Variants in PIK3AP1 observed in about 807,000 individuals in gnomAD.
The protein encoded by PIK3AP1 is phosphoinositide 3-kinase adapter protein 1.
PIK3AP1 carries 21 observed loss-of-function variants against 88.1 expected under a neutral mutation model. The observed-to-expected ratio is 0.24, with a 90% CI of 0.17 to 0.34. The LOEUF is 0.34. Ranked by LOEUF, PIK3AP1 falls within the 10% of genes least tolerant of loss-of-function variation. PIK3AP1 has a pLI of 1.00. For missense variants in PIK3AP1, 828 were observed against 1,035.7 expected (o/e 0.80, Z 2.75); for synonymous variants, 398 against 400.0 (o/e 1.00, Z 0.06).
chr10:96,646,603 A>G (rs943632361), intron 7 of PIK3AP1, among the ~76,000 whole-genome samples: 1 of 151,984 alleles, frequency 6.6e-6, no homozygotes, highest in Non-Finnish European at 1.5e-5. Flanking sequence ...GTCAGAGGTC[A>G]CTCCGCAGCT....
chr10:96,648,957 A>G (rs912483), intron 6 of PIK3AP1, 102 bp from the exon 7 acceptor site: 1,002,106 of 1,009,898 alleles, frequency 0.99, 497,309 homozygotes, highest in East Asian at 1. Context: ...GGCAACAGAA[A>G]GCACTCAGCC....
intron 13 of PIK3AP1, among the ~76,000 whole-genome samples, chr10:96,615,127 T>A (rs1849192001): frequency 6.6e-6 from 1 of 152,108 alleles, no homozygotes. Flanking sequence ...GAATGGCAAG[T>A]GCACAGGCCC....
intron 2 of PIK3AP1, among the ~76,000 whole-genome samples, chr10:96,691,391 G>A (rs1429745080): frequency 6.6e-5 from 10 of 152,238 alleles, no homozygotes; most frequent in Non-Finnish European, 1.2e-4. Context: ...TACTGAGCAT[G>A]TGGTCACCTC....
chr10:96,703,421 C>T (rs914730132), intron 2 of PIK3AP1, among the ~76,000 whole-genome samples: 2 of 152,132 alleles, frequency 1.3e-5, no homozygotes, highest in Admixed American at 6.5e-5. Flanking sequence ...CACTGTAATA[C>T]TATTAATAAA....
intron 2 of PIK3AP1, among the ~76,000 whole-genome samples, chr10:96,679,702 G>A (rs1843974471): frequency 6.6e-6 from 1 of 152,048 alleles, no homozygotes; most frequent in South Asian, 2.1e-4. Flanking sequence ...GGCAGGTTTG[G>A]GGTTGGTAAG....
rs200758067 is a variant in PIK3AP1 at position 96,595,540 on chromosome 10, T to G, written c.*37A>C. ...ATTAACAGGCTGAAGACTGTGAGTC[T>G]TAAAGTCCTGAAGTAGGCAGGTTTT... On this transcript the variant is annotated 3_prime_UTR_variant, in exon 17 of 17. Coordinates refer to ENST00000339364, the MANE Select transcript of PIK3AP1 (RefSeq NM_152309.3). 118 of 1,593,694 alleles carry G rather than the reference T, an allele frequency of 7.4e-5. No individual in the cohort carries two copies. In the Admixed American group the frequency reaches 1.9e-3, roughly 26 times the overall value.
At chr10:96,629,297 A>G (rs1234496819) in intron 8 of PIK3AP1, among the ~76,000 whole-genome samples, 1 of 152,098 alleles carries the variant, frequency 6.6e-6, no homozygotes, top group Non-Finnish European at 1.5e-5. Context: ...ACACACAAAT[A>G]TGCTGGGAAT....
chr10:96,648,039 T>C (rs72821003), intron 7 of PIK3AP1, among the ~76,000 whole-genome samples: 3,566 of 152,242 alleles, frequency 0.023, 68 homozygotes, highest in Non-Finnish European at 0.029. Context: ...CTGCCTGTCT[T>C]AACATGGGAC....
chr10:96,661,505 C>T (rs1207339241), intron 2 of PIK3AP1, among the ~76,000 whole-genome samples: 1 of 152,120 alleles, frequency 6.6e-6, no homozygotes, highest in Non-Finnish European at 1.5e-5. Context: ...CACTCTGGTG[C>T]TGGATGTTGA....
At chr10:96,628,917 T>TATATATAC in intron 8 of PIK3AP1, among the ~76,000 whole-genome samples, 1 of 120,056 alleles carries the variant, frequency 8.3e-6, no homozygotes, top group Non-Finnish European at 1.7e-5. Context: ...TGTGTATATA[T>TATATATAC]ATATATATAT....
intron 3 of PIK3AP1, 80 bp downstream of exon 3, chr10:96,656,718 C>G: frequency 6.4e-7 from 1 of 1,562,830 alleles, no homozygotes; most frequent in Non-Finnish European, 8.7e-7. Context: ...CAAGAAACCA[C>G]TCTCTTTACT....
intron 13 of PIK3AP1, among the ~76,000 whole-genome samples, chr10:96,615,574 G>C (rs1279081281): frequency 2.6e-5 from 4 of 152,118 alleles, no homozygotes; most frequent in Non-Finnish European, 5.9e-5. Flanking sequence ...ATAGCAACCA[G>C]AGACAGAAAA....
chr10:96,663,507 G>T (rs1439270044), intron 2 of PIK3AP1, among the ~76,000 whole-genome samples: 2 of 151,480 alleles, frequency 1.3e-5, no homozygotes, highest in African/African-American at 4.9e-5. Flanking sequence ...GTATACGCCT[G>T]TAATCCCAGC....
In PIK3AP1 at chr10:96,645,629, C is replaced by T. The variant is rs753013488; in HGVS notation, c.1219G>A (p.Glu407Lys). Residue 407 changes from glutamate (E) to lysine (K), a missense_variant, in exon 8 of 17, where the codon GAG becomes AAG. Around this residue, in one of 3 missense-constraint regions of PIK3AP1, gnomAD observed 610 missense variants for 760.1 expected, o/e 0.80. Coordinates refer to ENST00000339364, the MANE Select transcript of PIK3AP1 (RefSeq NM_152309.3). ...TVDMLKSHIK[E>K]ELMHGEEADA... ...GCCTCCTCCCCGTGCATCAGTTCCT[C>T]TTTAATGTGACTCTTGAGCATGTCC... The T allele has an allele frequency of 2.5e-6, 4 of 1,609,194 alleles. No individual in the cohort carries two copies. Among genetic ancestry groups the T allele is most frequent in the Non-Finnish European group, 3.4e-6 (4 of 1,177,914 alleles).
intron 8 of PIK3AP1, among the ~76,000 whole-genome samples, chr10:96,636,491 A>T (rs1425983847): frequency 7.9e-5 from 12 of 152,162 alleles, no homozygotes. Flanking sequence ...CATACAGTGA[A>T]CTACACAGAA....
chr10:96,708,773 A>G (rs1844399351), intron 2 of PIK3AP1, among the ~76,000 whole-genome samples: 2 of 152,052 alleles, frequency 1.3e-5, no homozygotes, highest in Admixed American at 1.3e-4. Context: ...ATGGCAAAAT[A>G]TAGAAGCTAG....
At chr10:96,603,057 C>T (rs917279208) in intron 15 of PIK3AP1, among the ~76,000 whole-genome samples, 1 of 152,178 alleles carries the variant, frequency 6.6e-6, no homozygotes, top group African/African-American at 2.4e-5. Context: ...ACCCTGGATC[C>T]CCTGAGACTC....
chr10:96,626,269 T>G (rs553671699), intron 10 of PIK3AP1, among the ~76,000 whole-genome samples: 29 of 152,218 alleles, frequency 1.9e-4, no homozygotes, highest in Non-Finnish European at 3.8e-4. Flanking sequence ...ATGCAATGGT[T>G]GAATGACCTC....
At chr10:96,628,895 T>A (rs1463319351) in intron 8 of PIK3AP1, among the ~76,000 whole-genome samples, 1 of 29,420 alleles carries the variant, frequency 3.4e-5, no homozygotes, top group Non-Finnish European at 7.8e-5. Context: ...TATACATATA[T>A]ATATATATAT....
Sources: gnomAD v4.1 joint callset for allele counts (sites outside exome capture counted in the v4.1 genomes callset) on GRCh38, gnomAD v4.1.1 for gene constraint, gnomAD v4.1.1 regional missense constraint, MANE v1.5 for transcripts, NCBI Gene and HGNC (gene_info 2026-07-23, HGNC 2026-07-21) for gene names.